The following IQCM variants were observed in gnomAD, a reference collection of about 807,000 sequenced individuals.
IQCM encodes IQ domain-containing protein M.
Under a neutral mutation model 57.6 loss-of-function variants are expected in IQCM, and 45 were observed. The ratio of observed to expected loss-of-function variants is 0.78; its 90% CI spans 0.62 to 1.00. IQCM has a LOEUF of 1.00. Among genes scored for constraint, IQCM ranks in the 50% least tolerant of loss-of-function variants. The probability of loss-of-function intolerance (pLI) is 0.00; values close to 1 mark genes in which losing one functional copy is unlikely to be tolerated. For missense variants in IQCM, 468 were observed against 511.6 expected (o/e 0.91, Z 0.82); for synonymous variants, 148 against 158.9 (o/e 0.93, Z 0.51).
intron 12 of IQCM, among the ~76,000 whole-genome samples, chr4:149,484,342 T>C (rs868104233): frequency 6.6e-6 from 1 of 152,068 alleles, no homozygotes; most frequent in African/African-American, 2.4e-5. Flanking sequence ...CCTGCCATTT[T>C]GTTATTTGTT....
At chr4:149,459,337 A>G (rs550268787) in intron 12 of IQCM, among the ~76,000 whole-genome samples, 1 of 152,322 alleles carries the variant, frequency 6.6e-6, no homozygotes. Context: ...GGTAATCACT[A>G]AATGTTGGCT....
chr4:149,419,303 A>G (rs947980307), intron 13 of IQCM, among the ~76,000 whole-genome samples: 6 of 152,146 alleles, frequency 3.9e-5, no homozygotes, highest in African/African-American at 1.4e-4. Context: ...CACATAGACC[A>G]ATGGAACATA....
At chr4:149,585,247 G>T (rs1237209459) in intron 9 of IQCM, among the ~76,000 whole-genome samples, 2 of 151,608 alleles carry the variant, frequency 1.3e-5, no homozygotes, top group African/African-American at 4.8e-5. Flanking sequence ...GATGACTGAT[G>T]GAAGGTTATA....
intron 13 of IQCM, among the ~76,000 whole-genome samples, chr4:149,397,832 A>G (rs1732338832): frequency 6.6e-6 from 1 of 151,746 alleles, no homozygotes; most frequent in Non-Finnish European, 1.5e-5. Flanking sequence ...TTAACCCCTT[A>G]TCAGATATAT....
chr4:149,713,212 C>T (rs1156457585), intron 5 of IQCM, among the ~76,000 whole-genome samples: 2 of 151,588 alleles, frequency 1.3e-5, no homozygotes, highest in African/African-American at 4.8e-5. Context: ...CAACGCTGGA[C>T]CCCCTACCAG....
intron 13 of IQCM, among the ~76,000 whole-genome samples, chr4:149,386,366 C>A (rs1014180861): frequency 3.3e-5 from 5 of 152,112 alleles, no homozygotes; most frequent in Non-Finnish European, 5.9e-5. Context: ...ATGTAACAAA[C>A]TCCATGTACT....
Position 149,553,265 on chromosome 4 carries a change from A to T in IQCM, c.971T>A (p.Met324Lys). 8.1e-7 allele frequency: 1 copy of T among 1,231,962 alleles called. No homozygotes were observed. The highest frequency in any genetic ancestry group is 3.2e-5 in the East Asian group (1 of 31,678). The allele number at this position is 1,231,962 out of a possible 1,614,324, so 76.3% of individuals were successfully genotyped here. The change falls in exon 11 of 14, where the codon ATG becomes AAG. Residue 324 changes from methionine to lysine, a missense_variant. Transcript: ENST00000636793. ...MTKALDHGPD[M>K]KAVINMYGRL... The stretch of plus-strand genomic sequence containing the variant: ...GCCATACATGTTAATAACTGCTTTC[A>T]TATCTGGTCCATGATCCAAAGCCTA...
chr4:149,557,345 T>C (rs892564542), intron 10 of IQCM, among the ~76,000 whole-genome samples: 1 of 152,186 alleles, frequency 6.6e-6, no homozygotes, highest in Admixed American at 6.5e-5. Context: ...GAATTCATTC[T>C]CAACTATGTC....
chr4:149,716,371 G>A (rs890788492), intron 5 of IQCM, among the ~76,000 whole-genome samples: 26 of 152,182 alleles, frequency 1.7e-4, no homozygotes, highest in African/African-American at 5.5e-4. Context: ...TCCAAAATTG[G>A]AGTGAGGACT....
intron 3 of IQCM, among the ~76,000 whole-genome samples, chr4:149,741,312 C>A (rs1767434144): frequency 6.6e-6 from 1 of 152,054 alleles, no homozygotes; most frequent in South Asian, 2.1e-4. Context: ...TAATAAGTTT[C>A]ATATATACCT....
intron 7 of IQCM, among the ~76,000 whole-genome samples, chr4:149,668,799 A>T (rs1165114286): frequency 6.6e-6 from 1 of 152,206 alleles, no homozygotes; most frequent in Non-Finnish European, 1.5e-5. Context: ...TAGCAATGTG[A>T]TATAGAGAAA....
At chr4:149,653,264 C>T (rs1052435999) in intron 7 of IQCM, among the ~76,000 whole-genome samples, 2 of 152,052 alleles carry the variant, frequency 1.3e-5, no homozygotes, top group African/African-American at 4.8e-5. Context: ...GCCAAGGCTC[C>T]AAACCTCCAT....
intron 12 of IQCM, among the ~76,000 whole-genome samples, chr4:149,540,645 C>A (rs1343258399): frequency 6.6e-6 from 1 of 152,006 alleles, no homozygotes; most frequent in Non-Finnish European, 1.5e-5. Context: ...TTGTGAGCTG[C>A]GATTTGCACC....
At chr4:149,426,326 A>G (rs984073395) in intron 13 of IQCM, among the ~76,000 whole-genome samples, 2 of 151,968 alleles carry the variant, frequency 1.3e-5, no homozygotes, top group Admixed American at 6.6e-5. Context: ...GCTAATCAGC[A>G]ACTCAGTCTT....
chr4:149,429,721 T>C (rs561624641), intron 13 of IQCM, among the ~76,000 whole-genome samples: 11 of 152,066 alleles, frequency 7.2e-5, no homozygotes, highest in East Asian at 1.9e-4. Flanking sequence ...AAAATGTTTA[T>C]AGTTAAGGAG....
At chr4:149,775,883 G>T (rs1468840366) in intron 2 of IQCM, among the ~76,000 whole-genome samples, 2 of 152,174 alleles carry the variant, frequency 1.3e-5, no homozygotes. Context: ...TAACACAAAG[G>T]TGGAGAGCTA....
intron 12 of IQCM, among the ~76,000 whole-genome samples, chr4:149,523,550 G>A (rs1745869743): frequency 6.6e-6 from 1 of 152,048 alleles, no homozygotes; most frequent in South Asian, 2.1e-4. Flanking sequence ...TTCCAGCTGA[G>A]CATGATGATC....
intron 13 of IQCM, among the ~76,000 whole-genome samples, chr4:149,406,511 A>G (rs1158426904): frequency 6.6e-6 from 1 of 152,158 alleles, no homozygotes; most frequent in Non-Finnish European, 1.5e-5. Context: ...ACCTGTATAG[A>G]TAGAACACTG....
chr4:149,813,723 T>C (rs747273045), intron 2 of IQCM, among the ~76,000 whole-genome samples: 7 of 152,106 alleles, frequency 4.6e-5, no homozygotes, highest in Non-Finnish European at 8.8e-5. Flanking sequence ...TATATTGAGC[T>C]AGAACAAACT....
Sources: gnomAD v4.1 joint callset for allele counts (sites outside exome capture counted in the v4.1 genomes callset) on GRCh38, gnomAD v4.1.1 for gene constraint, MANE v1.5 for transcripts, NCBI Gene and HGNC (gene_info 2026-07-23, HGNC 2026-07-21) for gene names.